The following COLEC12 variants were observed in gnomAD, a reference collection of about 807,000 sequenced individuals.
COLEC12 encodes collectin-12.
A neutral mutation model predicts 71.1 loss-of-function variants in COLEC12; 33 were observed. The observed-to-expected ratio is 0.46, with a 90% CI of 0.35 to 0.62. COLEC12 has a LOEUF of 0.62. Among genes scored for constraint, COLEC12 ranks in the 20% least tolerant of loss-of-function variants. The pLI, the probability that COLEC12 is intolerant of heterozygous loss-of-function variation, is 0.00. For synonymous variants in COLEC12, 350 were observed against 353.0 expected, an observed-to-expected ratio of 0.99 and a Z score of 0.10; for missense variants, 765 against 916.1, an observed-to-expected ratio of 0.84 and a Z score of 2.13.
At chr18:333,881 T>C (rs1311861545) in intron 6 of COLEC12, 1 of 152,104 alleles carries the variant, frequency 6.6e-6, no homozygotes, top group Non-Finnish European at 1.5e-5. Flanking sequence ...CTGGCTCCTA[T>C]AAATAAACAA....
intron 5 of COLEC12, among the ~76,000 whole-genome samples, chr18:337,343 T>G (rs769535378): frequency 2.0e-5 from 3 of 152,202 alleles, no homozygotes; most frequent in Admixed American, 6.5e-5. Context: ...GGGATCTCCC[T>G]GTCTCCTTCC....
At chr18:481,037 C>T (rs1004634491) in intron 1 of COLEC12, among the ~76,000 whole-genome samples, 13 of 152,134 alleles carry the variant, frequency 8.5e-5, no homozygotes, top group African/African-American at 3.1e-4. Flanking sequence ...CCCGGCCACT[C>T]CCTGCCACGC....
chr18:356,295 G>A (rs1803279617), intron 3 of COLEC12, among the ~76,000 whole-genome samples: 1 of 152,134 alleles, frequency 6.6e-6, no homozygotes, highest in South Asian at 2.1e-4. Flanking sequence ...GAAGCTCTAA[G>A]AGGCTATGAT....
At chr18:496,423 T>G (rs1917713797) in intron 1 of COLEC12, among the ~76,000 whole-genome samples, 1 of 152,206 alleles carries the variant, frequency 6.6e-6, no homozygotes, top group Non-Finnish European at 1.5e-5. Flanking sequence ...ATTGTAAATT[T>G]GCCTCCCAGA....
chr18:407,322 A>G (rs1915810128), intron 2 of COLEC12, among the ~76,000 whole-genome samples: 2 of 152,222 alleles, frequency 1.3e-5, no homozygotes. Context: ...TAGTGTATAT[A>G]CAGAAAGGGA....
intron 2 of COLEC12, among the ~76,000 whole-genome samples, chr18:472,312 T>C (rs1186999781): frequency 6.6e-6 from 1 of 152,178 alleles, no homozygotes; most frequent in African/African-American, 2.4e-5. Context: ...CTCAGTATGC[T>C]ACCTTCCTTA....
Position 375,850 on chromosome 18 carries a change from G to A in COLEC12, c.59-18328C>T, listed in dbSNP as rs1915102045. Among the ~76,000 whole-genome samples the A allele has an allele frequency of 1.3e-5, 2 of 152,316 alleles. 1 individual carries two copies. Among genetic ancestry groups the A allele is most frequent in the South Asian group, 4.1e-4 (2 of 4,822 alleles). On this transcript the variant is annotated intron_variant, in intron 2 of 9. Coordinates refer to ENST00000400256, the MANE Select transcript of COLEC12 (RefSeq NM_130386.3). ...ATCTGCCTCATAAAGTCGTTGAGGA[G>A]ATTAAATGAATTAATGCCTGTAAAA... is the stretch of plus-strand genomic sequence containing the variant.
chr18:477,168 C>T (rs1271433347), intron 2 of COLEC12, among the ~76,000 whole-genome samples: 1 of 152,198 alleles, frequency 6.6e-6, no homozygotes, highest in African/African-American at 2.4e-5. Context: ...CAATACCATG[C>T]TAGATCACTG....
chr18:411,734 A>G (rs1166892114), intron 2 of COLEC12, among the ~76,000 whole-genome samples: 2 of 152,200 alleles, frequency 1.3e-5, no homozygotes, highest in Non-Finnish European at 2.9e-5. Context: ...GTGAAACCTC[A>G]TCTCTACAAA....
At chr18:411,801 A>T (rs1184410500) in intron 2 of COLEC12, among the ~76,000 whole-genome samples, 2 of 152,296 alleles carry the variant, frequency 1.3e-5, no homozygotes, top group Non-Finnish European at 2.9e-5. Context: ...TGGGCAAAAA[A>T]GTGAAATCCT....
intron 2 of COLEC12, among the ~76,000 whole-genome samples, chr18:381,520 A>G (rs1364241724): frequency 6.6e-6 from 1 of 152,146 alleles, no homozygotes; most frequent in Non-Finnish European, 1.5e-5. Flanking sequence ...CAAAATGATA[A>G]TCCCTATTTA....
intron 2 of COLEC12, among the ~76,000 whole-genome samples, chr18:439,086 A>T (rs1011004706): frequency 6.1e-4 from 93 of 152,194 alleles, no homozygotes; most frequent in African/African-American, 2.2e-3. Flanking sequence ...GTAGAAGAAG[A>T]TGAGGCAAGA....
In COLEC12 at chr18:500,613, A is replaced by G; in HGVS notation, c.-99T>C. The G allele has an allele frequency of 9.7e-7, 1 of 1,027,736 alleles. No homozygotes were observed. The highest frequency in any genetic ancestry group is 1.2e-6 in the Non-Finnish European group (1 of 816,892). The allele number at this position is 1,027,736 out of a possible 1,614,324, so 63.7% of individuals were successfully genotyped here. ...CGGCTGCTCACCGCACGCCCATGGT[A>G]GCCGCGCCGCGCGCCGGCCGTCTGC... is the stretch of plus-strand genomic sequence containing the variant. On this transcript the variant is annotated 5_prime_UTR_variant, in exon 1 of 10. Coordinates refer to ENST00000400256, the MANE Select transcript of COLEC12 (RefSeq NM_130386.3). This position sits in a 1 kb window ranked among gnomAD's most constrained non-coding sequence, Gnocchi z 5.3.
intron 4 of COLEC12, 57 bp downstream of exon 4, chr18:348,008 C>A: frequency 8.8e-7 from 1 of 1,138,988 alleles, no homozygotes; most frequent in Non-Finnish European, 1.3e-6. Context: ...TTCTAAGAAG[C>A]TGTGGTCATT....
At chr18:481,007 C>T (rs768456034) in intron 1 of COLEC12, among the ~76,000 whole-genome samples, 3 of 152,100 alleles carry the variant, frequency 2.0e-5, no homozygotes, top group Non-Finnish European at 2.9e-5. Context: ...TGCGACCCTT[C>T]GAGATGCCTT....
In COLEC12 at chr18:480,828, G is replaced by C. The variant is rs1476822518; in HGVS notation, c.8-71C>G. 7.8e-7 allele frequency: 1 copy of C among 1,290,000 alleles called. No individual in the cohort carries two copies. Among genetic ancestry groups the C allele is most frequent in the South Asian group, 1.2e-5 (1 of 84,580 alleles). The allele number at this position is 1,290,000 out of a possible 1,614,324, so 79.9% of individuals were successfully genotyped here. A position where few individuals can be genotyped will look rare whatever the true frequency, so the allele number is the denominator to read the frequency against. Reference sequence around the variant, plus strand: ...AGAAGCAGAGGGTGGGGCAGGATGCGACCTGCTTCATCGCCCCTGCTTGTC... The same window carrying C: ...AGAAGCAGAGGGTGGGGCAGGATGCCACCTGCTTCATCGCCCCTGCTTGTC... On this transcript the variant is annotated intron_variant, in intron 1 of 9. Transcript: ENST00000400256. This position sits in a 1 kb window ranked among gnomAD's most constrained non-coding sequence, Gnocchi z 4.1.
chr18:432,842 A>G (rs1255027900), intron 2 of COLEC12, among the ~76,000 whole-genome samples: 1 of 152,168 alleles, frequency 6.6e-6, no homozygotes, highest in Admixed American at 6.5e-5. Flanking sequence ...GTAAAGTGCC[A>G]TATTTATTTT....
At chr18:452,126 T>G (rs1316939708) in intron 2 of COLEC12, among the ~76,000 whole-genome samples, 1 of 152,224 alleles carries the variant, frequency 6.6e-6, no homozygotes, top group Admixed American at 6.5e-5. Flanking sequence ...TTAAGCAGAA[T>G]AGATATTGTT....
At chr18:433,508 C>G (rs912669552) in intron 2 of COLEC12, among the ~76,000 whole-genome samples, 2 of 152,020 alleles carry the variant, frequency 1.3e-5, no homozygotes, top group Non-Finnish European at 2.9e-5. Flanking sequence ...GCAACTAGAC[C>G]ATTGGTTTCT....
Sources: gnomAD v4.1 joint callset for allele counts (sites outside exome capture counted in the v4.1 genomes callset) on GRCh38, gnomAD v4.1.1 for gene constraint, Gnocchi (gnomAD v3.1) non-coding constraint, MANE v1.5 for transcripts, NCBI Gene and HGNC (gene_info 2026-07-23, HGNC 2026-07-21) for gene names.